COL4A3: variants seen among roughly 807,000 people sequenced by gnomAD.
COL4A3 encodes the protein collagen alpha-3(IV) chain.
COL4A3 carries 135 observed loss-of-function variants against 217.4 expected under a neutral mutation model. That is an observed-to-expected ratio of 0.62 (90% CI 0.54 to 0.72). The LOEUF is 0.72. Ranked by LOEUF, COL4A3 falls within the 30% of genes least tolerant of loss-of-function variation. COL4A3 has a pLI of 0.00. For synonymous variants in COL4A3, 690 were observed against 736.3 expected, an observed-to-expected ratio of 0.94 and a Z score of 1.02; for missense variants, 1,868 against 2,119.9, an observed-to-expected ratio of 0.88 and a Z score of 2.33.
At chr2:227,267,953 A>C (rs2125984775) in intron 23 of COL4A3, among the ~76,000 whole-genome samples, 1 of 152,290 alleles carries the variant, frequency 6.6e-6, no homozygotes, top group East Asian at 1.9e-4. Flanking sequence ...CCCCGTCTTC[A>C]GTCACAGAAC....
chr2:227,169,976 T>G (rs530560254), intron 1 of COL4A3, among the ~76,000 whole-genome samples: 1 of 152,322 alleles, frequency 6.6e-6, no homozygotes, highest in East Asian at 1.9e-4. Context: ...ATTATTATTA[T>G]TCTTTAAATT....
rs9917238 is a variant in COL4A3, at chr2:227,282,145, G to A, written c.2489-220G>A. 0.044 allele frequency among the ~76,000 whole-genome samples: 6,625 copies of A among 151,928 alleles called. 494 individuals carry two copies. Among genetic ancestry groups the A allele is most frequent in the African/African-American group, 0.15 (6,277 of 41,388 alleles). ...AACTTAGCTATGCATTATGGTGCAC[G>A]CCTGTAGTCCCAGCTATTTGGGAGG... On this transcript the variant is annotated intron_variant, in intron 31 of 51. Coordinates refer to ENST00000396578, the MANE Select transcript of COL4A3 (RefSeq NM_000091.5). This position sits in a 1 kb window ranked among gnomAD's most constrained non-coding sequence, Gnocchi z 4.4.
At position 227,269,987 on chromosome 2, in the gene COL4A3, T is replaced by G; in HGVS notation, c.1575+7T>G. 6.2e-7 allele frequency: 1 copy of G among 1,611,810 alleles called. No homozygotes were observed. The highest frequency in any genetic ancestry group is 8.5e-7 in the Non-Finnish European group (1 of 1,178,292). Reference sequence around the variant, plus strand: ...AGGTCTTCCAGGATTTCCAGTAAGATTTCATGTTTTTAAATCTTTAGCTTC... The same window carrying G: ...AGGTCTTCCAGGATTTCCAGTAAGAGTTCATGTTTTTAAATCTTTAGCTTC... On this transcript the variant is annotated splice_region_variant and intron_variant, in intron 24 of 51. Coordinates refer to ENST00000396578, the MANE Select transcript of COL4A3 (RefSeq NM_000091.5).
In COL4A3 at chr2:227,310,595, C is replaced by T. The variant is rs10432551; in HGVS notation, c.4756-181C>T. ...CCTCCCAAAGAGCGAGCTGGGATTA[C>T]AGGTGTGAGTCACTGCGCCTGGCCA... On this transcript the variant is annotated intron_variant, in intron 50 of 51. Transcript: ENST00000396578. 0.81 allele frequency among the ~76,000 whole-genome samples: 123,480 copies of T among 152,202 alleles called. 51,182 individuals are homozygous for T. The highest frequency in any genetic ancestry group is 0.91 in the Non-Finnish European group (61,730 of 68,026).
At position 227,253,601 on chromosome 2, in the gene COL4A3, C is replaced by G; in HGVS notation, c.728C>G (p.Thr243Arg). 2.5e-6 allele frequency: 4 copies of G among 1,614,130 alleles called. No individual in the cohort carries two copies. Among genetic ancestry groups the G allele is most frequent in the South Asian group, 1.1e-5 (1 of 91,088 alleles). ...ACAGGACCCCCGGGACCACCAGGAA[C>G]AGTTATTGTGACCCTAACTGGCCCA... ...GLTGPPGPPGTVIVTLTGPDN... is the reference protein window; with the variant it reads ...GLTGPPGPPGRVIVTLTGPDN... Residue 243 changes from threonine (T) to arginine (R), a missense_variant, in exon 13 of 52, where the codon ACA becomes AGA. Thr to Arg is a moderately conservative substitution (Grantham distance 71). Coordinates refer to ENST00000396578, the MANE Select transcript of COL4A3 (RefSeq NM_000091.5). This position sits in a 1 kb window ranked among gnomAD's most constrained non-coding sequence, Gnocchi z 4.4.
chr2:227,268,054 CCTCT>C (rs899977415), intron 23 of COL4A3, among the ~76,000 whole-genome samples: 1 of 152,240 alleles, frequency 6.6e-6, no homozygotes, highest in Non-Finnish European at 1.5e-5. Context: ...CTACACAGGG[CCTCT>C]CTCTCCCTCG....
rs2070735001 is a variant in COL4A3, at chr2:227,263,807, C to A, written c.1178C>A (p.Ala393Asp). 2 of 1,613,984 alleles carry A rather than the reference C, an allele frequency of 1.2e-6. No homozygotes were observed. Among genetic ancestry groups the A allele is most frequent in the Non-Finnish European group, 1.7e-6 (2 of 1,179,894 alleles). The change falls in exon 21 of 52, where the codon GCC becomes GAC. Residue 393 changes from alanine (A) to aspartate (D), a missense_variant. Physicochemically the swap from Ala to Asp is moderately radical, Grantham distance 126. Around this residue, in one of 2 missense-constraint regions of COL4A3, gnomAD observed 1,503 missense variants for 1,786.1 expected, o/e 0.84. Transcript: ENST00000396578. ...TCATCAAGGCCTGGCCTCAGAGGAG[C>A]CCCTGGATGGCCAGGCCTGAAAGGA... Reference protein sequence around the residue: ...PGSSRPGLRGAPGWPGLKGSK... With the variant: ...PGSSRPGLRGDPGWPGLKGSK...
intron 37 of COL4A3, among the ~76,000 whole-genome samples, chr2:227,292,411 T>C (rs2072796987): frequency 6.6e-6 from 1 of 152,208 alleles, no homozygotes; most frequent in Admixed American, 6.5e-5. Context: ...TCACACTCAA[T>C]TAACTGATAG....
intron 1 of COL4A3, among the ~76,000 whole-genome samples, chr2:227,221,837 C>T (rs141291318): frequency 7.1e-4 from 108 of 151,648 alleles, no homozygotes; most frequent in Non-Finnish European, 1.3e-3. Flanking sequence ...TAAATGATAC[C>T]ACTTCTAGAT....
intron 21 of COL4A3, chr2:227,264,787 AG>A (rs1352821622): frequency 6.6e-6 from 1 of 152,220 alleles, no homozygotes; most frequent in Non-Finnish European, 1.5e-5. Flanking sequence ...CAGAGTTCAC[AG>A]GGCTAATGAA....
intron 14 of COL4A3, 36 bp downstream of exon 14, chr2:227,254,210 A>G (rs1221691400): frequency 1.3e-6 from 2 of 1,565,898 alleles, no homozygotes; most frequent in African/African-American, 1.4e-5. Flanking sequence ...CCCATAACAC[A>G]TAAAGTAGAG....
rs114354985 is a variant in COL4A3, at chr2:227,296,686, C to A, written c.3566-988C>A. 2.4e-3 allele frequency among the ~76,000 whole-genome samples: 358 copies of A among 152,290 alleles called. 2 individuals carry two copies. Among genetic ancestry groups the A allele is most frequent in the African/African-American group, 8.0e-3 (332 of 41,566 alleles). ...ACAGTATTACAAAGCTTGGAGTGAA[C>A]TGAAGTCATCTAAGCACTTTCTTTT... is the stretch of plus-strand genomic sequence containing the variant. On this transcript the variant is annotated intron_variant, in intron 41 of 51. Transcript: ENST00000396578.
In COL4A3 at chr2:227,251,003, T is replaced by A. The variant is rs912652775; in HGVS notation, c.547-137T>A. ...CAACACTTTTTGATGTTTGTTATCA[T>A]TAGCTGCAGCCACTGAAAGGGGAGG... On this transcript the variant is annotated intron_variant, in intron 9 of 51. Transcript: ENST00000396578. 3.3e-5 allele frequency: 24 copies of A among 727,118 alleles called. No individual in the cohort carries two copies. In the East Asian group the frequency reaches 6.2e-4, roughly 19 times the overall value. The allele number at this position is 727,118 out of a possible 1,614,324, so 45.0% of individuals were successfully genotyped here. A position where few individuals can be genotyped will look rare whatever the true frequency, so the allele number is the denominator to read the frequency against.
intron 41 of COL4A3, among the ~76,000 whole-genome samples, chr2:227,296,678 G>A (rs2073041396): frequency 6.6e-6 from 1 of 152,146 alleles, no homozygotes; most frequent in Non-Finnish European, 1.5e-5. Flanking sequence ...TACAAAGCTT[G>A]GAGTGAACTG....
intron 23 of COL4A3, 85 bp from the exon 24 acceptor site, chr2:227,269,825 T>A: frequency 2.6e-6 from 3 of 1,139,140 alleles, no homozygotes; most frequent in Non-Finnish European, 4.0e-6. Flanking sequence ...AAGGAAACAC[T>A]CTATTTTCTT....
chr2:227,270,128 T>C, intron 24 of COL4A3, 148 bp downstream of exon 24: 2 of 681,934 alleles, frequency 2.9e-6, no homozygotes, highest in East Asian at 5.7e-5. Context: ...AATCTGTGAC[T>C]GATTAAGTGA....
intron 38 of COL4A3, among the ~76,000 whole-genome samples, chr2:227,293,543 C>A (rs2072879548): frequency 6.6e-6 from 1 of 152,134 alleles, no homozygotes; most frequent in Non-Finnish European, 1.5e-5. Flanking sequence ...CTATAAAAAA[C>A]ACTTTTGAAG....
chr2:227,197,296 A>C (rs2066519366), intron 1 of COL4A3, among the ~76,000 whole-genome samples: 1 of 152,056 alleles, frequency 6.6e-6, no homozygotes, highest in Non-Finnish European at 1.5e-5. Context: ...AGCTCGCTGC[A>C]ACCTCCACCT....
At chr2:227,302,253 G>A (rs1466908843) in intron 43 of COL4A3, among the ~76,000 whole-genome samples, 1 of 152,236 alleles carries the variant, frequency 6.6e-6, no homozygotes, top group East Asian at 1.9e-4. Flanking sequence ...CCCATCCCTA[G>A]ACATTACTTC....
Sources: gnomAD v4.1 joint callset for allele counts (sites outside exome capture counted in the v4.1 genomes callset) on GRCh38, gnomAD v4.1.1 for gene constraint, gnomAD v4.1.1 regional missense constraint, Gnocchi (gnomAD v3.1) non-coding constraint, MANE v1.5 for transcripts, NCBI Gene and HGNC (gene_info 2026-07-23, HGNC 2026-07-21) for gene names.